UGT2A1: variants seen among roughly 807,000 people sequenced by gnomAD.
UGT2A1 encodes the protein UDP-glucuronosyltransferase 2A1.
A neutral mutation model predicts 45.4 loss-of-function variants in UGT2A1; 61 were observed. The observed-to-expected ratio is 1.34, with a 90% CI of 1.09 to 1.66. The LOEUF (loss-of-function observed/expected upper bound fraction) is 1.66. Among genes scored for constraint, UGT2A1 ranks in the 40% most tolerant of loss-of-function variants. The probability of loss-of-function intolerance (pLI) is 0.00; values close to 1 mark genes in which losing one functional copy is unlikely to be tolerated. For synonymous variants in UGT2A1, 229 were observed against 196.2 expected, an observed-to-expected ratio of 1.17 and a Z score of -1.40; for missense variants, 649 against 574.3, an observed-to-expected ratio of 1.13 and a Z score of -1.33.
intron 3 of UGT2A1, among the ~76,000 whole-genome samples, chr4:69,615,066 T>G (rs929835274): frequency 1.3e-5 from 2 of 151,960 alleles, no homozygotes; most frequent in Non-Finnish European, 2.9e-5. Flanking sequence ...AAACCAGACC[T>G]CATGATCCAA....
intron 6 of UGT2A1, among the ~76,000 whole-genome samples, chr4:69,590,409 G>A (rs1718520283): frequency 6.6e-6 from 1 of 152,196 alleles, no homozygotes. Flanking sequence ...GTCTTCACTT[G>A]CAGTTTCCCT....
intron 3 of UGT2A1, among the ~76,000 whole-genome samples, chr4:69,623,807 C>T (rs991107964): frequency 2.6e-5 from 4 of 151,150 alleles, no homozygotes; most frequent in Admixed American, 1.3e-4. Context: ...GAGCTTAATG[C>T]TTTTTAAAAC....
chr4:69,588,763 G>C lies in UGT2A1; in HGVS notation c.*609C>G, dbSNP rs897522568. ...AAGAAAGGCAGGCAAGTTATGCCGT[G>C]ATTTTCTAGATATGCTTAATGAAAA... On this transcript the variant is annotated 3_prime_UTR_variant, in exon 7 of 7. Coordinates refer to ENST00000286604, the MANE Select transcript of UGT2A1 (RefSeq NM_001252275.3). The C allele has an allele frequency of 3.9e-5, 6 of 152,002 alleles. No homozygotes were observed. The highest frequency in any genetic ancestry group is 3.9e-4 in the Admixed American group (6 of 15,240). The allele number at this position is 152,002 out of a possible 1,614,324, so 9.4% of individuals were successfully genotyped here. A position where few individuals can be genotyped will look rare whatever the true frequency, so the allele number is the denominator to read the frequency against.
intron 3 of UGT2A1, among the ~76,000 whole-genome samples, chr4:69,623,747 A>T (rs557065220): frequency 6.6e-6 from 1 of 151,520 alleles, no homozygotes; most frequent in South Asian, 2.1e-4. Context: ...TATATGTAAT[A>T]CATTATAAAA....
rs1193514634 is a variant in UGT2A1 at position 69,606,271 on chromosome 4, A to C, written c.848-6877T>G. ...CTGGGACGCAAGGCTGGGTCAACAT[A>C]CGCAAATCAACAAACGTAATCCAGC... On this transcript the variant is annotated intron_variant, in intron 3 of 6. Coordinates refer to ENST00000286604, the MANE Select transcript of UGT2A1 (RefSeq NM_001252275.3). 2.9e-5 allele frequency among the ~76,000 whole-genome samples: 4 copies of C among 136,832 alleles called. 1 individual carries two copies. The East Asian group carries it at 8.2e-4, about 28-fold the overall frequency. 89.8% of individuals were successfully genotyped at this position (136,832 alleles called of 152,430 possible).
chr4:69,629,422 TA>T (rs1721264563), intron 3 of UGT2A1, among the ~76,000 whole-genome samples: 1 of 152,096 alleles, frequency 6.6e-6, no homozygotes, highest in East Asian at 1.9e-4. Flanking sequence ...CAGTGCCTAA[TA>T]AGAGTGTTTT....
At position 69,604,753 on chromosome 4, in the gene UGT2A1, A is replaced by C. The variant is rs536809155; in HGVS notation, c.848-5359T>G. On this transcript the variant is annotated intron_variant, in intron 3 of 6. Coordinates refer to ENST00000286604, the MANE Select transcript of UGT2A1 (RefSeq NM_001252275.3). ...CTACCAAGCAAATGGAAAACAAAAA[A>C]AGGCAGGGGTTGCAATCCTAGTCTC... Among the ~76,000 whole-genome samples the C allele has an allele frequency of 5.6e-4, 76 of 136,626 alleles. 8 individuals are homozygous for C. The highest frequency in any genetic ancestry group is 1.7e-3 in the Admixed American group (24 of 13,844). The allele number at this position is 136,626 out of a possible 152,430, so 89.6% of individuals were successfully genotyped here. A position where few individuals can be genotyped will look rare whatever the true frequency, so the allele number is the denominator to read the frequency against.
chr4:69,631,734 A>C (rs867403210), intron 3 of UGT2A1, among the ~76,000 whole-genome samples: 1 of 152,172 alleles, frequency 6.6e-6, no homozygotes, highest in African/African-American at 2.4e-5. Flanking sequence ...TGTAGCCACT[A>C]CATCAGGGTA....
intron 2 of UGT2A1, among the ~76,000 whole-genome samples, chr4:69,642,781 A>G (rs1439210252): frequency 6.6e-6 from 1 of 151,604 alleles, no homozygotes; most frequent in Non-Finnish European, 1.5e-5. Flanking sequence ...TTTACATATT[A>G]TATACCTCTA....
intron 1 of UGT2A1, among the ~76,000 whole-genome samples, chr4:69,652,077 A>G (rs577183642): frequency 1.3e-5 from 2 of 152,202 alleles, no homozygotes; most frequent in South Asian, 2.1e-4. Flanking sequence ...CGTCAGTCTC[A>G]TCTGCCTGAT....
At chr4:69,639,803 A>G (rs1303559806) in intron 2 of UGT2A1, among the ~76,000 whole-genome samples, 5 of 152,066 alleles carry the variant, frequency 3.3e-5, no homozygotes, top group Non-Finnish European at 7.4e-5. Context: ...ATGCACTAAC[A>G]TCATTATTTC....
chr4:69,637,472 T>C (rs1302285547), intron 2 of UGT2A1, among the ~76,000 whole-genome samples: 1 of 152,148 alleles, frequency 6.6e-6, no homozygotes, highest in African/African-American at 2.4e-5. Context: ...AGTTTATGTG[T>C]ATGGCTTGCC....
chr4:69,650,654 T>A (rs1372504462), intron 1 of UGT2A1, among the ~76,000 whole-genome samples: 1 of 152,108 alleles, frequency 6.6e-6, no homozygotes, highest in Non-Finnish European at 1.5e-5. Context: ...AAACTATATA[T>A]TTAAATAGAT....
intron 3 of UGT2A1, among the ~76,000 whole-genome samples, chr4:69,623,627 A>C (rs1577981971): frequency 6.6e-6 from 1 of 151,638 alleles, no homozygotes; most frequent in East Asian, 1.9e-4. Flanking sequence ...TTGAAGTCAC[A>C]GTTTTAAAGA....
chr4:69,619,185 C>G (rs1720594174), intron 3 of UGT2A1, among the ~76,000 whole-genome samples: 1 of 151,672 alleles, frequency 6.6e-6, no homozygotes, highest in Admixed American at 6.6e-5. Context: ...ATTGCTTGAG[C>G]CCAGGAGTTT....
chr4:69,602,095 C>A (rs1719329480), intron 3 of UGT2A1, among the ~76,000 whole-genome samples: 2 of 135,334 alleles, frequency 1.5e-5, no homozygotes, highest in South Asian at 2.4e-4. Flanking sequence ...AATATTTTAA[C>A]AAAAGATATG....
At chr4:69,628,697 C>T (rs551921384) in intron 3 of UGT2A1, among the ~76,000 whole-genome samples, 2 of 147,662 alleles carry the variant, frequency 1.4e-5, no homozygotes, top group Admixed American at 6.9e-5. Flanking sequence ...AAAATAAAAG[C>T]ATTTTCTTTA....
At position 69,603,821 on chromosome 4, in the gene UGT2A1, T is replaced by C. The variant is rs912419898; in HGVS notation, c.848-4427A>G. ...CAACTGGAAGAAAGGGTATCAGTGA[T>C]GGAAGATCAAATGAATGAAATGAAG... On this transcript the variant is annotated intron_variant, in intron 3 of 6. Transcript: ENST00000286604. Among the ~76,000 whole-genome samples the C allele has an allele frequency of 5.9e-5, 8 of 136,354 alleles. 1 individual carries two copies. The highest frequency in any genetic ancestry group is 1.2e-4 in the Non-Finnish European group (8 of 64,304). 89.5% of individuals were successfully genotyped at this position (136,354 alleles called of 152,430 possible).
At chr4:69,615,086 A>G (rs928563219) in intron 3 of UGT2A1, among the ~76,000 whole-genome samples, 1 of 151,996 alleles carries the variant, frequency 6.6e-6, no homozygotes, top group East Asian at 1.9e-4. Context: ...ATCACCTTTC[A>G]ACAGATCCCT....
Sources: gnomAD v4.1 joint callset for allele counts (sites outside exome capture counted in the v4.1 genomes callset) on GRCh38, gnomAD v4.1.1 for gene constraint, MANE v1.5 for transcripts, NCBI Gene and HGNC (gene_info 2026-07-23, HGNC 2026-07-21) for gene names.